ZNF529: variants seen among roughly 807,000 people sequenced by gnomAD.
The protein encoded by ZNF529 is zinc finger protein 529.
ZNF529 carries 11 observed loss-of-function variants against 10.1 expected under a neutral mutation model. That is an observed-to-expected ratio of 1.09 (90% CI 0.69 to 1.81). ZNF529 has a LOEUF of 1.81. Ranked by LOEUF, ZNF529 falls within the 40% of genes most tolerant of loss-of-function variation. ZNF529 has a pLI of 0.00. For missense variants in ZNF529, 624 were observed against 666.8 expected (o/e 0.94, Z 0.71); for synonymous variants, 204 against 215.7 (o/e 0.95, Z 0.47).
intron 2 of ZNF529, among the ~76,000 whole-genome samples, chr19:36,588,142 T>G (rs1277497650): frequency 6.6e-6 from 1 of 152,110 alleles, no homozygotes; most frequent in African/African-American, 2.4e-5. Flanking sequence ...AGCAAGACTC[T>G]CTCAAAATAA....
At chr19:36,602,379 A>T (rs1242903033) in intron 1 of ZNF529, among the ~76,000 whole-genome samples, 1 of 151,824 alleles carries the variant, frequency 6.6e-6, no homozygotes, top group Non-Finnish European at 1.5e-5. Context: ...AAAATCCAAA[A>T]CTTTATTTAT....
intron 2 of ZNF529, among the ~76,000 whole-genome samples, chr19:36,569,429 A>G (rs2036014469): frequency 6.6e-6 from 1 of 152,200 alleles, no homozygotes; most frequent in Non-Finnish European, 1.5e-5. Context: ...CACGAAAATG[A>G]CATATAAATA....
chr19:36,566,341 T>C (rs1319820825), intron 2 of ZNF529, among the ~76,000 whole-genome samples: 1 of 152,098 alleles, frequency 6.6e-6, no homozygotes, highest in Non-Finnish European at 1.5e-5. Context: ...AATCAGCTTA[T>C]ATAAAAGAAA....
chr19:36,592,438 C>G (rs1427107768), intron 1 of ZNF529, among the ~76,000 whole-genome samples: 1 of 150,798 alleles, frequency 6.6e-6, no homozygotes, highest in East Asian at 2.0e-4. Context: ...CACTAAAATA[C>G]AAAAAACTAG....
At chr19:36,597,475 A>G (rs553033517) in intron 1 of ZNF529, among the ~76,000 whole-genome samples, 15 of 152,342 alleles carry the variant, frequency 9.8e-5, no homozygotes, top group African/African-American at 3.1e-4. Flanking sequence ...TTCTGACAGC[A>G]TAAGTACAAC....
upstream of ZNF529, chr19:36,573,429 T>C (rs968855466): frequency 4.2e-6 from 2 of 470,738 alleles, no homozygotes; most frequent in South Asian, 1.5e-5. Context: ...CCCCAGACCC[T>C]GGAGTTTCCG....
At chr19:36,594,899 G>A (rs2036808668) in intron 1 of ZNF529, among the ~76,000 whole-genome samples, 1 of 147,126 alleles carries the variant, frequency 6.8e-6, no homozygotes, top group African/African-American at 2.5e-5. Context: ...TTTTTTTTGA[G>A]ATGGAGTCTT....
At chr19:36,597,872 C>G (rs2036864529) in intron 1 of ZNF529, among the ~76,000 whole-genome samples, 2 of 152,082 alleles carry the variant, frequency 1.3e-5, no homozygotes, top group South Asian at 2.1e-4. Flanking sequence ...AGGAGAGGTA[C>G]ATGAAGGAAA....
At chr19:36,596,767 G>A (rs143531269) in intron 1 of ZNF529, among the ~76,000 whole-genome samples, 1 of 151,956 alleles carries the variant, frequency 6.6e-6, no homozygotes, top group African/African-American at 2.4e-5. Context: ...TGATCTGCCC[G>A]CCTTGGCCTC....
intron 1 of ZNF529, among the ~76,000 whole-genome samples, chr19:36,593,190 T>G (rs2145280550): frequency 6.6e-6 from 1 of 152,328 alleles, no homozygotes; most frequent in African/African-American, 2.4e-5. Flanking sequence ...CTTTTTTCTT[T>G]TTATAGATAG....
Position 36,547,077 on chromosome 19 carries a change from G to T in ZNF529, c.1481C>A (p.Thr494Lys). Residue 494 changes from threonine to lysine, a missense_variant, in exon 5 of 5, where the codon ACA becomes AAA. Thr to Lys is a moderately conservative substitution (Grantham distance 78). Transcript: ENST00000591340. ...TCCAGTATGAATTCTCTGATGTTCTGTAAGGGCTGAACTATGTCTAAAGGC... is the reference window on the plus strand; with the variant it reads ...TCCAGTATGAATTCTCTGATGTTCTTTAAGGGCTGAACTATGTCTAAAGGC... Reference protein sequence around the residue: ...GKAFRHSSALTEHQRIHTGEK... With the variant: ...GKAFRHSSALKEHQRIHTGEK... 6.2e-7 allele frequency: 1 copy of T among 1,613,842 alleles called. No individual in the cohort carries two copies. Among genetic ancestry groups the T allele is most frequent in the Non-Finnish European group, 8.5e-7 (1 of 1,179,914 alleles).
chr19:36,561,856 AG>A (rs1455878175), intron 2 of ZNF529, among the ~76,000 whole-genome samples: 2 of 152,236 alleles, frequency 1.3e-5, no homozygotes, highest in Admixed American at 1.3e-4. Context: ...TCCAGGCTAA[AG>A]GTTTATTGTT....
At chr19:36,553,526 A>G (rs1343227131) in intron 4 of ZNF529, among the ~76,000 whole-genome samples, 2 of 152,184 alleles carry the variant, frequency 1.3e-5, no homozygotes, top group Non-Finnish European at 2.9e-5. Context: ...TAACTTTCTG[A>G]GCTATTAAAA....
intron 1 of ZNF529, chr19:36,593,843 CAGAAGCACTGAGACCA>C (rs2036780896): frequency 6.6e-6 from 1 of 152,136 alleles, no homozygotes; most frequent in Admixed American, 6.6e-5. Context: ...CCTCTCTTTG[CAGAAGCACTGAGACCA>C]CAGAGGCAAG....
intron 1 of ZNF529, among the ~76,000 whole-genome samples, chr19:36,597,595 G>T (rs915465221): frequency 6.6e-6 from 1 of 152,110 alleles, no homozygotes; most frequent in Non-Finnish European, 1.5e-5. Flanking sequence ...AGGGGTGGGG[G>T]AGAGGATTAA....
chr19:36,572,356 T>G lies in ZNF529; in HGVS notation c.-10A>C. 2 of 1,548,168 alleles carry G rather than the reference T, an allele frequency of 1.3e-6. No individual in the cohort carries two copies. Among genetic ancestry groups the G allele is most frequent in the Non-Finnish European group, 1.7e-6 (2 of 1,146,346 alleles). On this transcript the variant is annotated 5_prime_UTR_variant, in exon 2 of 5. Coordinates refer to ENST00000591340, the MANE Select transcript of ZNF529 (RefSeq NM_020951.5). ...ACCTTGAGTTGGCCATTAGTACCAA[T>G]GCTGTCTTCCACTTCAGGGGGCCTT... is the stretch of plus-strand genomic sequence containing the variant.
chr19:36,573,085 G>A (rs1275202606), intron 1 of ZNF529, 55 bp downstream of exon 1: 3 of 205,456 alleles, frequency 1.5e-5, no homozygotes, highest in Non-Finnish European at 3.1e-5. Context: ...ACACACTAGG[G>A]TCTCCGTCTC....
At chr19:36,549,718 T>C (rs1359992321) in intron 4 of ZNF529, among the ~76,000 whole-genome samples, 3 of 152,336 alleles carry the variant, frequency 2.0e-5, no homozygotes, top group Admixed American at 6.5e-5. Context: ...GGATGTGTTA[T>C]TTACTTCTCT....
chr19:36,552,539 G>C (rs2035303493), intron 4 of ZNF529, among the ~76,000 whole-genome samples: 2 of 152,144 alleles, frequency 1.3e-5, no homozygotes, highest in Admixed American at 1.3e-4. Context: ...CTCCCTCCTG[G>C]ACCAGATAGG....
Sources: allele counts gnomAD v4.1 joint callset (sites outside exome capture counted in the v4.1 genomes callset), GRCh38; gene constraint gnomAD v4.1.1; transcripts MANE v1.5; gene names NCBI Gene and HGNC (gene_info 2026-07-23, HGNC 2026-07-21).